The following ZNF710 variants were observed in gnomAD, a reference collection of about 807,000 sequenced individuals.
ZNF710 encodes zinc finger protein 710.
Under a neutral mutation model 50.6 loss-of-function variants are expected in ZNF710, and 13 were observed. The ratio of observed to expected loss-of-function variants is 0.26; its 90% confidence interval spans 0.17 to 0.41. ZNF710 has a LOEUF of 0.41. Among genes scored for constraint, ZNF710 ranks in the 10% least tolerant of loss-of-function variants. The pLI is 1.00. For synonymous variants in ZNF710, 383 were observed against 397.0 expected (o/e 0.96, Z 0.42); for missense variants, 721 against 936.6 (o/e 0.77, Z 3.01).
Position 90,079,836 on chromosome 15 carries a change from C to T in ZNF710, c.*7C>T. 1.3e-6 allele frequency: 2 copies of T among 1,581,094 alleles called. No homozygotes were observed. Among genetic ancestry groups the T allele is most frequent in the Non-Finnish European group, 1.7e-6 (2 of 1,166,778 alleles). On this transcript the variant is annotated 3_prime_UTR_variant, in exon 5 of 5. Coordinates refer to ENST00000268154, the MANE Select transcript of ZNF710 (RefSeq NM_198526.4). Reference sequence around the variant, plus strand: ...CTACTACAATGTGCTATAGCGCAAGCTGGGCCACCCCTAACGGGGGCCGGG... The same window carrying T: ...CTACTACAATGTGCTATAGCGCAAGTTGGGCCACCCCTAACGGGGGCCGGG...
Position 90,031,040 on chromosome 15 carries a change from A to AAAAAAAG in ZNF710, c.-29+29427_-29+29428insAAAAAGA, listed in dbSNP as rs1898933925. ...TCTCAAAAAAAAAGAAAAAAAAAAAAATGCTTAATGGATTGTTTGGTAACA... is the reference window on the plus strand; with the variant it reads ...TCTCAAAAAAAAAGAAAAAAAAAAAAAAAAAAGATGCTTAATGGATTGTTTGGTAACA... On this transcript the variant is annotated intron_variant, in intron 1 of 4. Coordinates refer to ENST00000268154, the MANE Select transcript of ZNF710 (RefSeq NM_198526.4). Among the ~76,000 whole-genome samples the AAAAAAAG allele has an allele frequency of 1.3e-5, 2 of 151,088 alleles. 1 individual carries two copies. The highest frequency in any genetic ancestry group is 3.0e-5 in the Non-Finnish European group (2 of 67,724).
At chr15:90,021,162 C>G in intron 1 of ZNF710, among the ~76,000 whole-genome samples, 1 of 152,214 alleles carries the variant, frequency 6.6e-6, no homozygotes, top group East Asian at 1.9e-4. Flanking sequence ...TCAACTGCGT[C>G]CTTTGTTGGA....
At chr15:90,001,966 T>TGAGAGAGAGAGAGAGAGAGA (rs745830369) in intron 1 of ZNF710, among the ~76,000 whole-genome samples, 8 of 96,842 alleles carry the variant, frequency 8.3e-5, no homozygotes, top group African/African-American at 3.4e-4. Context: ...AGCGCGCGAA[T>TGAGAGAGAGAGAGAGAGAGA]GAGAGAGAGA....
rs138462619 is a variant in ZNF710, at chr15:90,017,302, G to C, written c.-29+15688G>C. On this transcript the variant is annotated intron_variant, in intron 1 of 4. Coordinates refer to ENST00000268154, the MANE Select transcript of ZNF710 (RefSeq NM_198526.4). Reference sequence around the variant, plus strand: ...GTGCTGTTTTTCAAAGTAGGGTATTGACTGCTTCCTCCTTGCTGATGAGAA... The same window carrying C: ...GTGCTGTTTTTCAAAGTAGGGTATTCACTGCTTCCTCCTTGCTGATGAGAA... Among the ~76,000 whole-genome samples, 223 of 152,270 alleles carry C rather than the reference G, an allele frequency of 1.5e-3. 1 individual carries two copies. The highest frequency in any genetic ancestry group is 5.1e-3 in the African/African-American group (210 of 41,536).
intron 4 of ZNF710, 53 bp from the exon 5 acceptor site, chr15:90,079,607 C>T: frequency 6.3e-7 from 1 of 1,591,192 alleles, no homozygotes; most frequent in African/African-American, 1.4e-5. Context: ...GTGGGGGTGA[C>T]TGGCTCCTCC....
chr15:90,079,879 G>A lies in ZNF710; in HGVS notation c.*50G>A, dbSNP rs1485334386. ...GGGCCGGGGGCGAGGGCATGGGGGT[G>A]AGACCCATGGGCTGCAGGCTGCACC... On this transcript the variant is annotated 3_prime_UTR_variant, in exon 5 of 5. Coordinates refer to ENST00000268154, the MANE Select transcript of ZNF710 (RefSeq NM_198526.4). 2.0e-6 allele frequency: 3 copies of A among 1,514,734 alleles called. No individual in the cohort carries two copies. Among genetic ancestry groups the A allele is most frequent in the Non-Finnish European group, 1.8e-6 (2 of 1,130,592 alleles). 93.8% of individuals were successfully genotyped at this position (1,514,734 alleles called of 1,614,324 possible).
At chr15:90,055,842 C>A (rs537627776) in intron 1 of ZNF710, among the ~76,000 whole-genome samples, 1 of 152,218 alleles carries the variant, frequency 6.6e-6, no homozygotes, top group African/African-American at 2.4e-5. Context: ...TCCACAGGCA[C>A]GGTGGCCCAC....
At chr15:89,999,505 C>A (rs1897969050), upstream of ZNF710, among the ~76,000 whole-genome samples, 1 of 152,176 alleles carries the variant, frequency 6.6e-6, no homozygotes, top group Admixed American at 6.5e-5. Flanking sequence ...TGGGCAAAGG[C>A]CCTGGGGTCA....
At chr15:90,030,431 G>A (rs533641542) in intron 1 of ZNF710, among the ~76,000 whole-genome samples, 2 of 151,794 alleles carry the variant, frequency 1.3e-5, no homozygotes, top group East Asian at 1.9e-4. Flanking sequence ...TTTCAAGGCC[G>A]GTCTTGGTTT....
At chr15:90,008,409 C>CGT (rs530102600) in intron 1 of ZNF710, among the ~76,000 whole-genome samples, 5,697 of 130,296 alleles carry the variant, frequency 0.044, 190 homozygotes, top group East Asian at 0.052. Context: ...ATATAGTATA[C>CGT]GTGTGTGTGT....
At chr15:90,049,585 A>G (rs1464489925) in intron 1 of ZNF710, among the ~76,000 whole-genome samples, 3 of 152,136 alleles carry the variant, frequency 2.0e-5, no homozygotes, top group African/African-American at 7.2e-5. Context: ...CCTACAGGTC[A>G]TCCTCTGTGA....
intron 1 of ZNF710, among the ~76,000 whole-genome samples, chr15:90,018,599 C>T (rs1898522112): frequency 6.6e-6 from 1 of 152,216 alleles, no homozygotes; most frequent in Non-Finnish European, 1.5e-5. Context: ...ATTGCCCTTT[C>T]CGTAAACCAG....
At position 90,060,994 on chromosome 15, in the gene ZNF710, G is replaced by T. The variant is rs78224072; in HGVS notation, c.-28-6116G>T. Among the ~76,000 whole-genome samples the T allele has an allele frequency of 6.2e-4, 95 of 152,356 alleles. No individual in the cohort carries two copies. In the East Asian group the frequency reaches 0.014, roughly 23 times the overall value. ...CCTTCCAGGATAAGTTCGAGGCACT[G>T]CTGAGGCTGTGTCAGGGAGTATGGG... On this transcript the variant is annotated intron_variant, in intron 1 of 4. Coordinates refer to ENST00000268154, the MANE Select transcript of ZNF710 (RefSeq NM_198526.4).
chr15:90,022,683 C>T (rs1029374966), intron 1 of ZNF710, among the ~76,000 whole-genome samples: 5 of 152,204 alleles, frequency 3.3e-5, no homozygotes, highest in Non-Finnish European at 7.3e-5. Flanking sequence ...ACCTGAGAGA[C>T]GAGAAACCCC....
At chr15:90,021,715 C>T (rs1400920183) in intron 1 of ZNF710, among the ~76,000 whole-genome samples, 3 of 152,142 alleles carry the variant, frequency 2.0e-5, no homozygotes, top group Non-Finnish European at 2.9e-5. Context: ...GTTAGCTCTT[C>T]GAATGTGCTG....
upstream of ZNF710, among the ~76,000 whole-genome samples, chr15:90,000,422 A>T (rs1897983618): frequency 6.6e-6 from 1 of 151,806 alleles, no homozygotes; most frequent in Non-Finnish European, 1.5e-5. Context: ...GCCGAGAGGG[A>T]CCTGACGGCC....
chr15:90,040,381 A>G lies in ZNF710; in HGVS notation c.-28-26729A>G, dbSNP rs1301514292. Among the ~76,000 whole-genome samples, 1 of 152,176 alleles carries G rather than the reference A, an allele frequency of 6.6e-6. No homozygotes were observed. Among genetic ancestry groups the G allele is most frequent in the Non-Finnish European group, 1.5e-5 (1 of 68,030 alleles). ...AAAGCCACATGTGAACACTCCGCAG[A>G]TTTTCCCTGCAAGGTACAAGCCCTC... On this transcript the variant is annotated intron_variant, in intron 1 of 4. Coordinates refer to ENST00000268154, the MANE Select transcript of ZNF710 (RefSeq NM_198526.4). This position sits in a 1 kb window ranked among gnomAD's most constrained non-coding sequence, Gnocchi z 4.6.
At chr15:90,012,514 C>T (rs1313076149) in intron 1 of ZNF710, among the ~76,000 whole-genome samples, 1 of 152,044 alleles carries the variant, frequency 6.6e-6, no homozygotes, top group Non-Finnish European at 1.5e-5. Context: ...TTGTGATCCA[C>T]CCGCCTCGGC....
At chr15:90,011,497 C>T (rs1288380108) in intron 1 of ZNF710, among the ~76,000 whole-genome samples, 1 of 152,168 alleles carries the variant, frequency 6.6e-6, no homozygotes, top group East Asian at 1.9e-4. Flanking sequence ...ATAAAGTCAC[C>T]ACTGTCCCTC....
Sources: gnomAD v4.1 joint callset for allele counts (sites outside exome capture counted in the v4.1 genomes callset) on GRCh38, gnomAD v4.1.1 for gene constraint, Gnocchi (gnomAD v3.1) non-coding constraint, MANE v1.5 for transcripts, NCBI Gene and HGNC (gene_info 2026-07-23, HGNC 2026-07-21) for gene names.